The following MPRIP variants were observed in gnomAD, a reference collection of about 807,000 sequenced individuals.
MPRIP encodes myosin phosphatase Rho-interacting protein.
A neutral mutation model predicts 234.9 loss-of-function variants in MPRIP; 59 were observed. The ratio of observed to expected loss-of-function variants is 0.25; its 90% CI spans 0.20 to 0.31. The LOEUF (loss-of-function observed/expected upper bound fraction) is 0.31, where lower values mean the gene tolerates loss of function less well. Among genes scored for constraint, MPRIP ranks in the 10% least tolerant of loss-of-function variants. The probability of loss-of-function intolerance (pLI) is 1.00; values close to 1 mark genes in which losing one functional copy is unlikely to be tolerated. For missense variants in MPRIP, 2,436 were observed against 3,071.0 expected, an observed-to-expected ratio of 0.79 and a Z score of 4.89; for synonymous variants, 1,144 against 1,263.9, an observed-to-expected ratio of 0.91 and a Z score of 2.01.
intron 15 of MPRIP, 44 bp downstream of exon 15, chr17:17,161,400 T>C: frequency 7.1e-7 from 1 of 1,400,596 alleles, no homozygotes; most frequent in Non-Finnish European, 9.9e-7. Flanking sequence ...GCTCAGGAGC[T>C]TCAGTGTGAA....
intron 1 of MPRIP, among the ~76,000 whole-genome samples, chr17:17,044,784 G>C (rs1050375794): frequency 6.6e-6 from 1 of 152,084 alleles, no homozygotes; most frequent in African/African-American, 2.4e-5. Flanking sequence ...CACGGGGAGA[G>C]GCAAACTTAA....
At chr17:17,139,136 A>T in intron 7 of MPRIP, among the ~76,000 whole-genome samples, 1 of 152,234 alleles carries the variant, frequency 6.6e-6, no homozygotes, top group South Asian at 2.1e-4. Flanking sequence ...GCCGAAGAAG[A>T]TGAGGGCCCA....
rs1270446843 is a variant in MPRIP, at chr17:17,042,475, C to T, written c.-374C>T. Reference sequence around the variant, plus strand: ...CGCCCCCGTAGTGCGTGAGGCGCTCCGGTCCCATTTGCAGCGGCCGCGGGG... The same window carrying T: ...CGCCCCCGTAGTGCGTGAGGCGCTCTGGTCCCATTTGCAGCGGCCGCGGGG... On this transcript the variant is annotated 5_prime_UTR_variant, in exon 1 of 24. Transcript: ENST00000651222. 1.4e-5 allele frequency: 2 copies of T among 146,942 alleles called. No homozygotes were observed. Among genetic ancestry groups the T allele is most frequent in the Non-Finnish European group, 3.0e-5 (2 of 65,940 alleles). The allele number at this position is 146,942 out of a possible 1,614,324, so 9.1% of individuals were successfully genotyped here. A position where few individuals can be genotyped will look rare whatever the true frequency, so the allele number is the denominator to read the frequency against.
intron 1 of MPRIP, among the ~76,000 whole-genome samples, chr17:17,051,776 A>G (rs764181045): frequency 3.9e-5 from 6 of 152,206 alleles, no homozygotes; most frequent in Admixed American, 2.0e-4. Flanking sequence ...TGGAACTGAA[A>G]TCTTCCAAAC....
intron 12 of MPRIP, 107 bp from the exon 13 acceptor site, chr17:17,154,199 C>A: frequency 1.1e-6 from 1 of 916,172 alleles, no homozygotes; most frequent in Non-Finnish European, 1.7e-6. Context: ...CAGTCACAGC[C>A]TTTCTCCCTG....
chr17:17,118,407 A>G (rs928696656), intron 3 of MPRIP, among the ~76,000 whole-genome samples: 4 of 152,106 alleles, frequency 2.6e-5, no homozygotes, highest in Non-Finnish European at 4.4e-5. Flanking sequence ...GGGACACCTG[A>G]AGGGTGGGGA....
rs145369319 is a variant in MPRIP at position 17,074,982 on chromosome 17, G to A, written c.124-728G>A. Among the ~76,000 whole-genome samples, 734 of 152,190 alleles carry A rather than the reference G, an allele frequency of 4.8e-3. 18 individuals carry two copies. Among genetic ancestry groups the A allele is most frequent in the Admixed American group, 0.045 (693 of 15,296 alleles). On this transcript the variant is annotated intron_variant, in intron 1 of 23. Transcript: ENST00000651222. Reference sequence around the variant, plus strand: ...GTATTTATTTGAGCCCCTGTTTTCCGTTTTCTTGGGTGTGTATACATAGGG... The same window carrying A: ...GTATTTATTTGAGCCCCTGTTTTCCATTTTCTTGGGTGTGTATACATAGGG...
At chr17:17,110,629 A>G (rs1447812560) in intron 3 of MPRIP, among the ~76,000 whole-genome samples, 7 of 152,190 alleles carry the variant, frequency 4.6e-5, no homozygotes, top group African/African-American at 1.7e-4. Context: ...ACTTAAGGTC[A>G]TCATCAACAG....
intron 3 of MPRIP, among the ~76,000 whole-genome samples, chr17:17,124,410 G>A (rs1388421834): frequency 6.6e-6 from 1 of 152,212 alleles, no homozygotes; most frequent in Non-Finnish European, 1.5e-5. Flanking sequence ...GTGTGTGTGT[G>A]TGCACACGCA....
chr17:17,114,183 A>G (rs921942729), intron 3 of MPRIP, among the ~76,000 whole-genome samples: 3 of 152,018 alleles, frequency 2.0e-5, no homozygotes, highest in Admixed American at 6.5e-5. Context: ...TTTTCTAATG[A>G]CTAATGACGT....
At chr17:17,144,949 A>G (rs549252813) in intron 9 of MPRIP, among the ~76,000 whole-genome samples, 2 of 152,374 alleles carry the variant, frequency 1.3e-5, no homozygotes, top group Admixed American at 6.5e-5. Flanking sequence ...GGCAACTACA[A>G]GCTTGCAGGA....
chr17:17,067,873 A>G (rs532739286), intron 1 of MPRIP, among the ~76,000 whole-genome samples: 3 of 148,276 alleles, frequency 2.0e-5, no homozygotes, highest in African/African-American at 7.4e-5. Context: ...CTCCAGTAAA[A>G]CCATCTGGGC....
chr17:17,134,639 G>T (rs776573198), intron 5 of MPRIP, among the ~76,000 whole-genome samples: 1 of 152,198 alleles, frequency 6.6e-6, no homozygotes, highest in African/African-American at 2.4e-5. Flanking sequence ...TGGAATCCTT[G>T]CAAAAGTGCC....
At chr17:17,048,018 C>T (rs949339729) in intron 1 of MPRIP, among the ~76,000 whole-genome samples, 2 of 152,142 alleles carry the variant, frequency 1.3e-5, no homozygotes, top group Non-Finnish European at 2.9e-5. Context: ...ACCCAGGGTG[C>T]TCAGCTTCTA....
chr17:17,072,122 C>A (rs984554598), intron 1 of MPRIP, among the ~76,000 whole-genome samples: 1 of 152,204 alleles, frequency 6.6e-6, no homozygotes, highest in South Asian at 2.1e-4. Flanking sequence ...TGCGTGGGAG[C>A]CTCTGCCCGT....
chr17:17,111,973 C>T (rs1191371838), intron 3 of MPRIP, among the ~76,000 whole-genome samples: 1 of 152,164 alleles, frequency 6.6e-6, no homozygotes, highest in East Asian at 1.9e-4. Context: ...CAGGTTTCAT[C>T]AGTTCTGTTC....
chr17:17,160,673 G>C (rs2045843319), intron 14 of MPRIP, among the ~76,000 whole-genome samples: 1 of 152,244 alleles, frequency 6.6e-6, no homozygotes, highest in Non-Finnish European at 1.5e-5. Flanking sequence ...ACAGAACTTT[G>C]TGGAATCCAT....
intron 3 of MPRIP, among the ~76,000 whole-genome samples, chr17:17,106,415 C>G (rs2090063903): frequency 6.6e-6 from 1 of 152,216 alleles, no homozygotes; most frequent in Non-Finnish European, 1.5e-5. Context: ...TGGGCAGAAC[C>G]TGTGATCTTG....
chr17:17,054,995 T>C (rs1338302641), intron 1 of MPRIP, among the ~76,000 whole-genome samples: 1 of 151,106 alleles, frequency 6.6e-6, no homozygotes, highest in Non-Finnish European at 1.5e-5. Flanking sequence ...GGTTGCAGTG[T>C]GCTGAGATCA....
Sources: allele counts gnomAD v4.1 joint callset (sites outside exome capture counted in the v4.1 genomes callset), GRCh38; gene constraint gnomAD v4.1.1; transcripts MANE v1.5; gene names NCBI Gene and HGNC (gene_info 2026-07-23, HGNC 2026-07-21).